The following CNTNAP2 variants were observed in gnomAD, a reference collection of about 807,000 sequenced individuals.
CNTNAP2 encodes the protein contactin associated protein 2, also known as contactin-associated protein-like 2.
A neutral mutation model predicts 155.2 loss-of-function variants in CNTNAP2; 98 were observed. That is an observed-to-expected ratio of 0.63 (90% CI 0.54 to 0.75). CNTNAP2 has a LOEUF of 0.75. Among genes scored for constraint, CNTNAP2 ranks in the 30% least tolerant of loss-of-function variants. The pLI is 0.00. For synonymous variants in CNTNAP2, 651 were observed against 631.2 expected, an observed-to-expected ratio of 1.03 and a Z score of -0.47; for missense variants, 1,727 against 1,688.1, an observed-to-expected ratio of 1.02 and a Z score of -0.40.
intron 1 of CNTNAP2, among the ~76,000 whole-genome samples, chr7:146,560,205 C>A (rs2129144221): frequency 1.3e-5 from 2 of 152,080 alleles, no homozygotes; most frequent in Admixed American, 1.3e-4. Flanking sequence ...AAGGTGCAGG[C>A]AGGTGGAAAG....
intron 5 of CNTNAP2, among the ~76,000 whole-genome samples, chr7:147,116,602 A>T (rs573985752): frequency 6.6e-6 from 1 of 151,968 alleles, no homozygotes; most frequent in Non-Finnish European, 1.5e-5. Flanking sequence ...CAAAACAGCT[A>T]TGTTGTGGTG....
At chr7:147,989,421 C>CAT (rs1163295464) in intron 15 of CNTNAP2, among the ~76,000 whole-genome samples, 1 of 152,218 alleles carries the variant, frequency 6.6e-6, no homozygotes, top group Non-Finnish European at 1.5e-5. Flanking sequence ...GAGTTTGCTC[C>CAT]AGTAAAGCCT....
At chr7:148,272,583 A>G (rs1040918674) in intron 21 of CNTNAP2, among the ~76,000 whole-genome samples, 1 of 152,220 alleles carries the variant, frequency 6.6e-6, no homozygotes, top group Non-Finnish European at 1.5e-5. Context: ...GGCTAGAAAG[A>G]TGGGATAAAA....
intron 10 of CNTNAP2, among the ~76,000 whole-genome samples, chr7:147,457,898 G>A (rs1216431663): frequency 2.0e-5 from 3 of 152,002 alleles, no homozygotes; most frequent in Non-Finnish European, 4.4e-5. Flanking sequence ...TTTTCAAAAG[G>A]GAGGCAGTGA....
chr7:146,738,499 A>G (rs1257529839), intron 1 of CNTNAP2, among the ~76,000 whole-genome samples: 1 of 151,952 alleles, frequency 6.6e-6, no homozygotes, highest in Non-Finnish European at 1.5e-5. Context: ...TTACCTCTGC[A>G]GAAGCTTTTA....
intron 10 of CNTNAP2, among the ~76,000 whole-genome samples, chr7:147,440,103 GTTCT>G (rs1209019058): frequency 1.3e-5 from 2 of 151,824 alleles, no homozygotes; most frequent in African/African-American, 4.8e-5. Flanking sequence ...CTGCCATTTT[GTTCT>G]TTCTTTTTTG....
intron 13 of CNTNAP2, among the ~76,000 whole-genome samples, chr7:147,728,424 G>A (rs1047326180): frequency 1.3e-5 from 2 of 152,020 alleles, no homozygotes; most frequent in Non-Finnish European, 2.9e-5. Flanking sequence ...AAGTTGTGAA[G>A]AGAAAAACTG....
chr7:146,215,264 G>A (rs2693296), intron 1 of CNTNAP2, among the ~76,000 whole-genome samples: 152,151 of 152,308 alleles, frequency 1, 75,998 homozygotes, highest in Middle Eastern at 1. Flanking sequence ...TAATACTTGC[G>A]TTAAAAAATG....
intron 15 of CNTNAP2, among the ~76,000 whole-genome samples, chr7:148,022,283 C>G (rs554064298): frequency 6.6e-6 from 1 of 151,834 alleles, no homozygotes; most frequent in South Asian, 2.1e-4. Context: ...GCCCGGGAAA[C>G]GCGGTGAAAC....
chr7:147,747,133 G>T (rs192029570), intron 13 of CNTNAP2, among the ~76,000 whole-genome samples: 4 of 152,218 alleles, frequency 2.6e-5, no homozygotes, highest in East Asian at 1.9e-4. Flanking sequence ...CTCACCGACC[G>T]CCTCTTATCT....
At chr7:147,120,625 CT>C (rs921140971) in intron 5 of CNTNAP2, among the ~76,000 whole-genome samples, 52 of 151,122 alleles carry the variant, frequency 3.4e-4, no homozygotes, top group African/African-American at 1.2e-3. Flanking sequence ...ATTTATTTTT[CT>C]TTTTTTTCAT....
At chr7:146,838,014 A>G (rs971982409) in intron 2 of CNTNAP2, among the ~76,000 whole-genome samples, 1 of 152,206 alleles carries the variant, frequency 6.6e-6, no homozygotes, top group Non-Finnish European at 1.5e-5. Context: ...GATTGCAGAG[A>G]CACATTCATG....
chr7:147,061,898 G>A (rs1341825273), intron 4 of CNTNAP2, among the ~76,000 whole-genome samples: 1 of 151,916 alleles, frequency 6.6e-6, no homozygotes, highest in African/African-American at 2.4e-5. Context: ...ACTTTGGGAG[G>A]TGGGCGGATC....
intron 12 of CNTNAP2, among the ~76,000 whole-genome samples, chr7:147,637,907 G>C (rs1469943293): frequency 6.6e-6 from 1 of 152,052 alleles, no homozygotes; most frequent in Non-Finnish European, 1.5e-5. Context: ...CCACCATTTA[G>C]TCTTCTTTTA....
chr7:147,254,359 C>T (rs536159285), intron 8 of CNTNAP2, among the ~76,000 whole-genome samples: 1 of 152,120 alleles, frequency 6.6e-6, no homozygotes, highest in East Asian at 1.9e-4. Context: ...GGAGTTAGCA[C>T]CTCCAAAGCA....
At chr7:148,212,254 G>A (rs1034703006) in intron 18 of CNTNAP2, among the ~76,000 whole-genome samples, 7 of 151,876 alleles carry the variant, frequency 4.6e-5, no homozygotes, top group Non-Finnish European at 1.0e-4. Context: ...TCAAACATCT[G>A]CAAACTTCTT....
intron 5 of CNTNAP2, among the ~76,000 whole-genome samples, chr7:147,109,184 G>A (rs1039857816): frequency 2.0e-5 from 3 of 150,478 alleles, no homozygotes; most frequent in Admixed American, 6.6e-5. Context: ...CAGAACTTCT[G>A]CATAGTTTGG....
chr7:148,206,701 C>T (rs951357716), intron 18 of CNTNAP2, among the ~76,000 whole-genome samples: 3 of 152,208 alleles, frequency 2.0e-5, no homozygotes, highest in Non-Finnish European at 2.9e-5. Context: ...GATCAGGACT[C>T]CTGGGAGTTT....
intron 12 of CNTNAP2, among the ~76,000 whole-genome samples, chr7:147,594,229 G>A (rs970806610): frequency 1.0e-4 from 15 of 148,936 alleles, no homozygotes; most frequent in African/African-American, 3.5e-4. Flanking sequence ...CGGGTTAAGC[G>A]ACTACCCTGC....
Sources: allele counts gnomAD v4.1 joint callset (sites outside exome capture counted in the v4.1 genomes callset), GRCh38; gene constraint gnomAD v4.1.1; transcripts MANE v1.5; gene names NCBI Gene and HGNC (gene_info 2026-07-23, HGNC 2026-07-21).